The following ATXN7L2 variants were observed in gnomAD, a reference collection of about 807,000 sequenced individuals.
The protein encoded by ATXN7L2 is ataxin 7 like 2, also known as ataxin-7-like protein 2.
A neutral mutation model predicts 59.6 loss-of-function variants in ATXN7L2; 17 were observed. The ratio of observed to expected loss-of-function variants is 0.29; its 90% CI spans 0.20 to 0.43. The LOEUF (loss-of-function observed/expected upper bound fraction) is 0.43. Ranked by LOEUF, ATXN7L2 falls within the 20% of genes least tolerant of loss-of-function variation. The probability of loss-of-function intolerance (pLI) is 1.00; values close to 1 mark genes in which losing one functional copy is unlikely to be tolerated. For missense variants in ATXN7L2, 858 were observed against 1,008.9 expected, an observed-to-expected ratio of 0.85 and a Z score of 2.03; for synonymous variants, 378 against 392.5, an observed-to-expected ratio of 0.96 and a Z score of 0.44.
At position 109,488,323 on chromosome 1, in the gene ATXN7L2, A is replaced by T; in HGVS notation, c.797-60A>T. On this transcript the variant is annotated intron_variant, in intron 5 of 10. Coordinates refer to ENST00000683729, the MANE Select transcript of ATXN7L2 (RefSeq NM_001350175.2). This position sits in a 1 kb window ranked among gnomAD's most constrained non-coding sequence, Gnocchi z 5.0. ...TCAGGCCCTTGGCAGGAAGCGGCCA[A>T]ATCCTCCTGTAAACTCCTGGAAATG... 6.6e-7 allele frequency: 1 copy of T among 1,505,956 alleles called. No homozygotes were observed. The highest frequency in any genetic ancestry group is 9.1e-7 in the Non-Finnish European group (1 of 1,102,534). The allele number at this position is 1,505,956 out of a possible 1,614,324, so 93.3% of individuals were successfully genotyped here. A position where few individuals can be genotyped will look rare whatever the true frequency, so the allele number is the denominator to read the frequency against.
At chr1:109,489,307 C>T (rs1200362583) in intron 7 of ATXN7L2, 15 of 633,382 alleles carry the variant, frequency 2.4e-5, no homozygotes, top group East Asian at 1.1e-4. Flanking sequence ...CCCAGCCTCT[C>T]GGCAGTGTGC....
At position 109,487,756 on chromosome 1, in the gene ATXN7L2, G is replaced by C; in HGVS notation, c.748G>C (p.Glu250Gln). 1 of 1,611,762 alleles carries C rather than the reference G, an allele frequency of 6.2e-7. No individual in the cohort carries two copies. The highest frequency in any genetic ancestry group is 1.3e-5 in the African/African-American group (1 of 74,866). The change falls in exon 5 of 11, where the codon GAG becomes CAG. Residue 250 changes from glutamate (E) to glutamine (Q), a missense_variant. By Grantham distance (29) the Glu-to-Gln change is conservative. Coordinates refer to ENST00000683729, the MANE Select transcript of ATXN7L2 (RefSeq NM_001350175.2). Reference protein sequence around the residue: ...HWAEGSPPEKEPSGTRLPPKT... With the variant: ...HWAEGSPPEKQPSGTRLPPKT... ...GGCTGAAGGCAGCCCTCCTGAAAAG[G>C]AGCCCAGTGGGACCAGGCTGCCCCC...
intron 1 of ATXN7L2, chr1:109,485,272 G>C: frequency 1.0e-6 from 1 of 978,634 alleles, no homozygotes; most frequent in East Asian, 1.1e-4. Flanking sequence ...GGAGGAGAGA[G>C]GTAGGGGGAT....
intron 7 of ATXN7L2, 144 bp downstream of exon 7, chr1:109,489,244 A>AGTG: frequency 8.8e-7 from 1 of 1,141,516 alleles, no homozygotes; most frequent in Non-Finnish European, 1.2e-6. Flanking sequence ...GGCTCCTGAC[A>AGTG]GTGGTGTGGA....
rs1222018945 is a variant in ATXN7L2, at chr1:109,486,093, A to C, written c.164A>C (p.Lys55Thr). ...GAGGAGAGTAGCAAAAACACGAAGA[A>C]GTTGGATGCCATGACCCTCATTAAA... Reference protein sequence around the residue: ...ELEESSKNTKKLDAMTLIKED... With the variant: ...ELEESSKNTKTLDAMTLIKED... Residue 55 changes from lysine to threonine, a missense_variant, in exon 2 of 11, where the codon AAG becomes ACG. Transcript: ENST00000683729. This position sits in a 1 kb window ranked among gnomAD's most constrained non-coding sequence, Gnocchi z 4.3. 6 of 1,600,996 alleles carry C rather than the reference A, an allele frequency of 3.7e-6. No individual in the cohort carries two copies. Among genetic ancestry groups the C allele is most frequent in the Non-Finnish European group, 5.1e-6 (6 of 1,175,006 alleles).
At chr1:109,490,781 C>T (rs1656987903) in intron 9 of ATXN7L2, 141 bp from the exon 10 acceptor site, 1 of 984,746 alleles carries the variant, frequency 1.0e-6, no homozygotes, top group Non-Finnish European at 1.5e-6. Flanking sequence ...CCCTCAGTTC[C>T]AGCATCTCCC....
chr1:109,488,879 G>A lies in ATXN7L2; in HGVS notation c.912G>A (p.Gln304=). The part of the protein sequence containing the change: ...IHSVHQRREV[Q]GRAKDFDVLV... ...CAGTACACCAGCGCCGGGAAGTCCA[G>A]GGCCGGGCCAAGGACTTTGACGTGC... Residue 304 remains glutamine, a synonymous_variant, in exon 7 of 11, where the codon CAG becomes CAA. Coordinates refer to ENST00000683729, the MANE Select transcript of ATXN7L2 (RefSeq NM_001350175.2). The surrounding 1 kb of genome is among the most constrained non-coding windows in gnomAD (Gnocchi z 5.0). 1 of 1,614,096 alleles carries A rather than the reference G, an allele frequency of 6.2e-7. No homozygotes were observed. Among genetic ancestry groups the A allele is most frequent in the Non-Finnish European group, 8.5e-7 (1 of 1,180,026 alleles).
At chr1:109,485,367 C>T in intron 1 of ATXN7L2, 1 of 985,300 alleles carries the variant, frequency 1.0e-6, no homozygotes, top group Non-Finnish European at 1.2e-6. Context: ...GCCCAAAGGC[C>T]CTCTAAGAAG....
rs755036907 is a variant in ATXN7L2, at chr1:109,484,061, C to T, written c.108C>T (p.Ala36=). 1.6e-5 allele frequency: 24 copies of T among 1,519,134 alleles called. 1 individual carries two copies. In the South Asian group the frequency reaches 2.9e-4, roughly 18 times the overall value. The allele number at this position is 1,519,134 out of a possible 1,614,324, so 94.1% of individuals were successfully genotyped here. A position where few individuals can be genotyped will look rare whatever the true frequency, so the allele number is the denominator to read the frequency against. ...GQSWSSWVER[A]DLPAADGAEL... ...GCTGGAGCTCGTGGGTGGAGCGGGC[C>T]GACCTGCCCGCGGCTGACGGTGAGT... Residue 36 remains alanine, a synonymous_variant, in exon 1 of 11, where the codon GCC becomes GCT. Coordinates refer to ENST00000683729, the MANE Select transcript of ATXN7L2 (RefSeq NM_001350175.2).
chr1:109,491,777 A>G lies in ATXN7L2; in HGVS notation c.2250+60A>G, dbSNP rs1657101848. ...GGGGCACACAGGGGGTACCTGATAC[A>G]GAGAAGATGCTACATTGGTGTTTGT... On this transcript the variant is annotated intron_variant, in intron 10 of 10. Transcript: ENST00000683729. The surrounding 1 kb of genome is among the most constrained non-coding windows in gnomAD (Gnocchi z 4.1). The G allele has an allele frequency of 6.8e-7, 1 of 1,467,756 alleles. No homozygotes were observed. Among genetic ancestry groups the G allele is most frequent in the Admixed American group, 2.4e-5 (1 of 41,174 alleles). 90.9% of individuals were successfully genotyped at this position (1,467,756 alleles called of 1,614,324 possible).
chr1:109,487,788 C>A lies in ATXN7L2; in HGVS notation c.780C>A (p.Thr260=). 6.3e-7 allele frequency: 1 copy of A among 1,598,934 alleles called. No individual in the cohort carries two copies. Among genetic ancestry groups the A allele is most frequent in the Non-Finnish European group, 8.5e-7 (1 of 1,173,902 alleles). ...EPSGTRLPPK[T]HRKMARKECD... ...GTGGGACCAGGCTGCCCCCTAAAAC[C>A]CACCGGAAGATGGCTCGTGAGTAGT... is the stretch of plus-strand genomic sequence containing the variant. Residue 260 remains threonine, a synonymous_variant, in exon 5 of 11, where the codon ACC becomes ACA. Transcript: ENST00000683729.
chr1:109,486,143 G>T lies in ATXN7L2; in HGVS notation c.193+21G>T. Reference sequence around the variant, plus strand: ...AGAAGGTGGGAGTCGACACACATTAGGGCTGGGACCCAGGGCAGACAGGAC... The same window carrying T: ...AGAAGGTGGGAGTCGACACACATTATGGCTGGGACCCAGGGCAGACAGGAC... On this transcript the variant is annotated intron_variant, in intron 2 of 10. Coordinates refer to ENST00000683729, the MANE Select transcript of ATXN7L2 (RefSeq NM_001350175.2). This position sits in a 1 kb window ranked among gnomAD's most constrained non-coding sequence, Gnocchi z 4.3. The T allele has an allele frequency of 6.4e-7, 1 of 1,562,812 alleles. No homozygotes were observed. Among genetic ancestry groups the T allele is most frequent in the South Asian group, 1.2e-5 (1 of 81,908 alleles).
At position 109,488,797 on chromosome 1, in the gene ATXN7L2, C is replaced by A. The variant is rs1656782914; in HGVS notation, c.880-50C>A. The A allele has an allele frequency of 6.3e-7, 1 of 1,578,988 alleles. No individual in the cohort carries two copies. Among genetic ancestry groups the A allele is most frequent in the African/African-American group, 1.4e-5 (1 of 73,992 alleles). On this transcript the variant is annotated intron_variant, in intron 6 of 10. Coordinates refer to ENST00000683729, the MANE Select transcript of ATXN7L2 (RefSeq NM_001350175.2). The surrounding 1 kb of genome is among the most constrained non-coding windows in gnomAD (Gnocchi z 5.0). Reference sequence around the variant, plus strand: ...CCAAAGCACCCTGCCGTCCCTCACCCCTTCTCAGTTCATACCTACTCCCCA... The same window carrying A: ...CCAAAGCACCCTGCCGTCCCTCACCACTTCTCAGTTCATACCTACTCCCCA...
chr1:109,491,459 C>G lies in ATXN7L2; in HGVS notation c.1992C>G (p.Ser664=), dbSNP rs144065291. Residue 664 remains serine (S), a synonymous_variant, in exon 10 of 11, where the codon TCC becomes TCG. Transcript: ENST00000683729. The surrounding 1 kb of genome is among the most constrained non-coding windows in gnomAD (Gnocchi z 4.1). ...KRAGPLDCRG[S]PHQLPTPVKA... is the part of the protein sequence containing the mutation. ...CAGGGCCCCTGGACTGTCGTGGCTC[C>G]CCTCATCAGCTCCCCACACCAGTCA... 3.7e-5 allele frequency: 59 copies of G among 1,613,904 alleles called. No individual in the cohort carries two copies. Among genetic ancestry groups the G allele is most frequent in the Non-Finnish European group, 4.7e-5 (55 of 1,180,060 alleles).
At chr1:109,489,127 C>T in intron 7 of ATXN7L2, 27 bp downstream of exon 7, 4 of 1,594,692 alleles carry the variant, frequency 2.5e-6, no homozygotes, top group Non-Finnish European at 3.4e-6. Context: ...ACCCCTACCT[C>T]ACCTGGGGGT....
At position 109,486,114 on chromosome 1, in the gene ATXN7L2, T is replaced by C; in HGVS notation, c.185T>C (p.Ile62Thr). ...NTKKLDAMTL[I>T]KEDMSIFGHC... ...AAGAAGTTGGATGCCATGACCCTCA[T>C]TAAAGAAGGTGGGAGTCGACACACA... The change falls in exon 2 of 11, where the codon ATT (isoleucine) becomes ACT (threonine). Residue 62 changes from isoleucine (I) to threonine (T), a missense_variant. Ile to Thr is a moderately conservative substitution (Grantham distance 89). Transcript: ENST00000683729. The surrounding 1 kb of genome is among the most constrained non-coding windows in gnomAD (Gnocchi z 4.3). 1.3e-6 allele frequency: 2 copies of C among 1,596,244 alleles called. No homozygotes were observed. Among genetic ancestry groups the C allele is most frequent in the African/African-American group, 2.7e-5 (2 of 74,068 alleles).
In ATXN7L2 at chr1:109,488,968, G is replaced by A. The variant is rs767873540; in HGVS notation, c.1001G>A (p.Arg334His). ...TCTCCCAAGGAGAAGAGCCCAGGGC[G>A]CAAGGAGCAAGTTCTCGAGCGCCCC... Reference protein sequence around the residue: ...GESPKEKSPGRKEQVLERPSQ... With the variant: ...GESPKEKSPGHKEQVLERPSQ... The change falls in exon 7 of 11, where the codon CGC becomes CAC. Residue 334 changes from arginine to histidine, a missense_variant. Physicochemically the swap from Arg to His is conservative, Grantham distance 29. Transcript: ENST00000683729. The surrounding 1 kb of genome is among the most constrained non-coding windows in gnomAD (Gnocchi z 5.0). 7.9e-5 allele frequency: 128 copies of A among 1,614,046 alleles called. No individual in the cohort carries two copies. The highest frequency in any genetic ancestry group is 1.0e-4 in the Non-Finnish European group (121 of 1,180,014).
chr1:109,484,785 GCC>G (rs939565309), intron 1 of ATXN7L2, among the ~76,000 whole-genome samples: 2 of 152,212 alleles, frequency 1.3e-5, no homozygotes, highest in African/African-American at 4.8e-5. Flanking sequence ...TGGCCTCGTG[GCC>G]TTTCGGGGTG....
chr1:109,489,871 G>C lies in ATXN7L2; in HGVS notation c.1134-59G>C, dbSNP rs982442617. ...CTTTGAGCTCGGCAGGTTCAAGGAT[G>C]CCCCTACTCTGACCCCACAACAGTC... On this transcript the variant is annotated intron_variant, in intron 7 of 10. Coordinates refer to ENST00000683729, the MANE Select transcript of ATXN7L2 (RefSeq NM_001350175.2). 1.4e-5 allele frequency: 23 copies of C among 1,586,842 alleles called. No homozygotes were observed. In the African/African-American group the frequency reaches 3.0e-4, roughly 20 times the overall value.
Sources: gnomAD v4.1 joint callset for allele counts (sites outside exome capture counted in the v4.1 genomes callset) on GRCh38, gnomAD v4.1.1 for gene constraint, Gnocchi (gnomAD v3.1) non-coding constraint, MANE v1.5 for transcripts, NCBI Gene and HGNC (gene_info 2026-07-23, HGNC 2026-07-21) for gene names.